The following KIAA1671 variants were observed in gnomAD, a reference collection of about 807,000 sequenced individuals.
KIAA1671 encodes uncharacterized protein KIAA1671.
Under a neutral mutation model 131.2 loss-of-function variants are expected in KIAA1671, and 52 were observed. That is an observed-to-expected ratio of 0.40 (90% CI 0.32 to 0.50). The LOEUF is 0.50. Among genes scored for constraint, KIAA1671 ranks in the 20% least tolerant of loss-of-function variants. The pLI, the probability that KIAA1671 is intolerant of heterozygous loss-of-function variation, is 0.73. For synonymous variants in KIAA1671, 1,003 were observed against 961.6 expected (o/e 1.04, Z -0.80); for missense variants, 2,360 against 2,364.2 (o/e 1.00, Z 0.04).
intron 1 of KIAA1671, among the ~76,000 whole-genome samples, chr22:24,975,730 A>C (rs1057253747): frequency 1.3e-5 from 2 of 152,120 alleles, no homozygotes; most frequent in Non-Finnish European, 2.9e-5. Context: ...GGCAGTATTG[A>C]TCTCTTTTTC....
intron 1 of KIAA1671, among the ~76,000 whole-genome samples, chr22:24,956,083 G>A (rs1421073767): frequency 1.3e-5 from 2 of 152,068 alleles, no homozygotes; most frequent in Non-Finnish European, 2.9e-5. Context: ...ACCGCGGTGC[G>A]CGGTGGACTG....
chr22:25,192,034 A>G (rs1323946941), intron 12 of KIAA1671, among the ~76,000 whole-genome samples: 1 of 152,192 alleles, frequency 6.6e-6, no homozygotes, highest in Admixed American at 6.5e-5. Context: ...ACTAAAAATT[A>G]TAAATTCCCA....
At chr22:25,125,936 AGTCT>A (rs1331933588) in intron 6 of KIAA1671, among the ~76,000 whole-genome samples, 2 of 152,222 alleles carry the variant, frequency 1.3e-5, no homozygotes, top group African/African-American at 4.8e-5. Flanking sequence ...ATTTTGGGCA[AGTCT>A]GTCTGCTCTG....
chr22:25,160,055 C>T (rs987994980), intron 6 of KIAA1671, among the ~76,000 whole-genome samples: 2 of 152,184 alleles, frequency 1.3e-5, no homozygotes, highest in Admixed American at 6.5e-5. Flanking sequence ...TGACAGTTCA[C>T]GCAGAACGTT....
At chr22:25,026,541 G>A (rs967601428) in intron 2 of KIAA1671, among the ~76,000 whole-genome samples, 213 of 152,210 alleles carry the variant, frequency 1.4e-3, no homozygotes, top group African/African-American at 5.0e-3. Flanking sequence ...GACCAGCCTG[G>A]CCAACATGGA....
At position 25,032,626 on chromosome 22, in the gene KIAA1671, C is replaced by G; in HGVS notation, c.1559C>G (p.Ser520Cys). 6.5e-7 allele frequency: 1 copy of G among 1,545,726 alleles called. No individual in the cohort carries two copies. Among genetic ancestry groups the G allele is most frequent in the East Asian group, 2.4e-5 (1 of 40,846 alleles). The change falls in exon 4 of 13, where the codon TCC becomes TGC. Residue 520 changes from serine to cysteine, a missense_variant. Ser to Cys is a moderately radical substitution (Grantham distance 112, BLOSUM62 -1). This residue lies in a region of KIAA1671 where 1,185 missense variants were observed against 1,126.2 expected (regional missense o/e 1.05). Transcript: ENST00000358431. ...DLTKLFSSSA[S>C]SNEVKYEKSA... ...TGTACCAGGTTTTCAAGTTCAGCTTCCAGCAACGAAGTCAAATATGAGAAG... is the reference window on the plus strand; with the variant it reads ...TGTACCAGGTTTTCAAGTTCAGCTTGCAGCAACGAAGTCAAATATGAGAAG...
At chr22:24,988,402 A>G (rs1217775611) in intron 1 of KIAA1671, among the ~76,000 whole-genome samples, 1 of 152,016 alleles carries the variant, frequency 6.6e-6, no homozygotes, top group African/African-American at 2.4e-5. Flanking sequence ...TTTTTGCTTC[A>G]TATGATCCTT....
chr22:25,194,302 C>T lies in KIAA1671; in HGVS notation c.*1901C>T, dbSNP rs898016743. On this transcript the variant is annotated 3_prime_UTR_variant, in exon 13 of 13. Coordinates refer to ENST00000358431, the MANE Select transcript of KIAA1671 (RefSeq NM_001145206.2). ...TGTTGCCCAGGCTGGTCTCGAACTTCTGGGCTCAAGCAATTGTCCCTCCTC... is the reference window on the plus strand; with the variant it reads ...TGTTGCCCAGGCTGGTCTCGAACTTTTGGGCTCAAGCAATTGTCCCTCCTC... 6.6e-6 allele frequency: 1 copy of T among 152,296 alleles called. No individual in the cohort carries two copies. The allele number at this position is 152,296 out of a possible 1,614,324, so 9.4% of individuals were successfully genotyped here. A position where few individuals can be genotyped will look rare whatever the true frequency, so the allele number is the denominator to read the frequency against.
chr22:25,149,935 G>C (rs1932979747), intron 6 of KIAA1671, among the ~76,000 whole-genome samples: 1 of 152,098 alleles, frequency 6.6e-6, no homozygotes, highest in Non-Finnish European at 1.5e-5. Context: ...CCCTCCCCAT[G>C]CCCTTCGTCT....
chr22:25,131,679 T>C (rs929517211), intron 6 of KIAA1671, among the ~76,000 whole-genome samples: 1 of 152,130 alleles, frequency 6.6e-6, no homozygotes, highest in South Asian at 2.1e-4. Flanking sequence ...TGGGGCAGGG[T>C]CAGGGAGGAG....
chr22:24,986,851 T>C (rs1427298557), intron 1 of KIAA1671, among the ~76,000 whole-genome samples: 1 of 151,908 alleles, frequency 6.6e-6, no homozygotes, highest in African/African-American at 2.4e-5. Flanking sequence ...CTAGGGAGCA[T>C]CCATAGAAAT....
intron 4 of KIAA1671, among the ~76,000 whole-genome samples, chr22:25,034,769 G>C (rs949620205): frequency 6.6e-6 from 1 of 151,096 alleles, no homozygotes; most frequent in Non-Finnish European, 1.5e-5. Context: ...ATGGAGTCTC[G>C]CTCTGTTGCC....
intron 1 of KIAA1671, among the ~76,000 whole-genome samples, chr22:25,019,956 G>C (rs1925572873): frequency 6.6e-6 from 1 of 152,144 alleles, no homozygotes; most frequent in Non-Finnish European, 1.5e-5. Flanking sequence ...TTTCAACTAG[G>C]TGTTATTGCC....
intron 1 of KIAA1671, among the ~76,000 whole-genome samples, chr22:24,986,638 C>A (rs1280782693): frequency 4.0e-5 from 5 of 126,232 alleles, no homozygotes; most frequent in Non-Finnish European, 8.4e-5. Flanking sequence ...CAACCACCCA[C>A]CCACCCATCC....
intron 1 of KIAA1671, among the ~76,000 whole-genome samples, chr22:24,989,082 T>A (rs1301031494): frequency 2.0e-5 from 3 of 152,200 alleles, no homozygotes; most frequent in African/African-American, 7.2e-5. Context: ...ATCAATCTTT[T>A]TTCAAGGTCC....
intron 1 of KIAA1671, among the ~76,000 whole-genome samples, chr22:25,017,703 C>T (rs1195819833): frequency 2.6e-5 from 4 of 152,186 alleles, no homozygotes; most frequent in Non-Finnish European, 5.9e-5. Context: ...CAAACCTAGA[C>T]ATCTTAGAGA....
intron 4 of KIAA1671, among the ~76,000 whole-genome samples, chr22:25,037,494 C>T (rs1248167183): frequency 2.0e-5 from 3 of 152,002 alleles, no homozygotes; most frequent in African/African-American, 7.2e-5. Flanking sequence ...CCATCATCTA[C>T]AGTAGGGGTT....
intron 11 of KIAA1671, among the ~76,000 whole-genome samples, chr22:25,190,208 G>A (rs867546465): frequency 2.0e-5 from 3 of 152,044 alleles, no homozygotes; most frequent in Admixed American, 1.3e-4. Flanking sequence ...TGGGGGTGAC[G>A]GGAGACAGTG....
intron 3 of KIAA1671, among the ~76,000 whole-genome samples, chr22:25,031,146 C>T (rs1234961116): frequency 6.6e-6 from 1 of 151,954 alleles, no homozygotes; most frequent in Non-Finnish European, 1.5e-5. Context: ...CCTGCCTCAG[C>T]CTCCGCAGTA....
Sources: allele counts gnomAD v4.1 joint callset (sites outside exome capture counted in the v4.1 genomes callset), GRCh38; gene constraint gnomAD v4.1.1; regional missense constraint gnomAD v4.1.1; transcripts MANE v1.5; gene names NCBI Gene and HGNC (gene_info 2026-07-23, HGNC 2026-07-21).